The following VTA1 variants were observed in gnomAD, a reference collection of about 807,000 sequenced individuals.
The protein encoded by VTA1 is vesicle trafficking 1.
VTA1 carries 24 observed loss-of-function variants against 36.9 expected under a neutral mutation model. The ratio of observed to expected loss-of-function variants is 0.65; its 90% CI spans 0.47 to 0.91. The LOEUF is 0.91. Among genes scored for constraint, VTA1 ranks in the 40% least tolerant of loss-of-function variants. The pLI, the probability that VTA1 is intolerant of heterozygous loss-of-function variation, is 0.00. For missense variants in VTA1, 393 were observed against 377.2 expected (o/e 1.04, Z -0.35); for synonymous variants, 142 against 130.2 (o/e 1.09, Z -0.62).
chr6:142,181,421 C>A (rs1215944133), intron 4 of VTA1, among the ~76,000 whole-genome samples: 1 of 146,418 alleles, frequency 6.8e-6, no homozygotes, highest in Non-Finnish European at 1.5e-5. Flanking sequence ...GCATAAGCCA[C>A]CGTGCCAGGC....
chr6:142,156,611 A>G (rs1778667612), intron 1 of VTA1, among the ~76,000 whole-genome samples: 1 of 152,148 alleles, frequency 6.6e-6, no homozygotes, highest in Admixed American at 6.5e-5. Context: ...TAAAATTTCA[A>G]GTTTCAATTT....
intron 5 of VTA1, among the ~76,000 whole-genome samples, chr6:142,192,023 A>G (rs1173101597): frequency 6.6e-6 from 1 of 152,068 alleles, no homozygotes; most frequent in African/African-American, 2.4e-5. Flanking sequence ...TAACTTAGAT[A>G]AAGAACAAAA....
chr6:142,213,559 T>C (rs1775945475), intron 7 of VTA1, among the ~76,000 whole-genome samples: 1 of 152,250 alleles, frequency 6.6e-6, no homozygotes, highest in African/African-American at 2.4e-5. Flanking sequence ...TTCTCTGCAC[T>C]GCTCTTGTAG....
intron 7 of VTA1, among the ~76,000 whole-genome samples, chr6:142,216,098 A>T (rs1776000691): frequency 6.6e-6 from 1 of 151,848 alleles, no homozygotes; most frequent in African/African-American, 2.4e-5. Context: ...TCTTGTTCTG[A>T]TTATGGCCTC....
chr6:142,212,782 G>A (rs1329178479), intron 7 of VTA1, among the ~76,000 whole-genome samples: 4 of 152,082 alleles, frequency 2.6e-5, no homozygotes, highest in African/African-American at 9.7e-5. Context: ...GAGGGAAGGG[G>A]GAAGTGCCAC....
chr6:142,155,722 C>G (rs1188805125), intron 1 of VTA1, among the ~76,000 whole-genome samples: 1 of 152,150 alleles, frequency 6.6e-6, no homozygotes, highest in Non-Finnish European at 1.5e-5. Flanking sequence ...TGCCTTGACA[C>G]CTCTTCTCTT....
At chr6:142,166,452 A>G in intron 2 of VTA1, 130 bp downstream of exon 2, 1 of 584,840 alleles carries the variant, frequency 1.7e-6, no homozygotes. Context: ...ACCTGAGGAA[A>G]AACTAGTAAT....
At chr6:142,161,371 GC>G (rs1385308667) in intron 1 of VTA1, among the ~76,000 whole-genome samples, 1 of 151,820 alleles carries the variant, frequency 6.6e-6, no homozygotes, top group African/African-American at 2.4e-5. Flanking sequence ...ATATCTTTTT[GC>G]GTGTGTTTTT....
At chr6:142,186,069 C>T (rs1272871069) in intron 4 of VTA1, among the ~76,000 whole-genome samples, 6 of 152,082 alleles carry the variant, frequency 3.9e-5, no homozygotes, top group East Asian at 3.9e-4. Context: ...GTAAGATTAC[C>T]GGAGAGTCTG....
rs1037419270 is a variant in VTA1, at chr6:142,223,561, A to G, written c.*4918A>G. 6.6e-6 allele frequency: 1 copy of G among 152,182 alleles called. No homozygotes were observed. Among genetic ancestry groups the G allele is most frequent in the Non-Finnish European group, 1.5e-5 (1 of 68,032 alleles). 9.4% of individuals were successfully genotyped at this position (152,182 alleles called of 1,614,324 possible). ...CAAAAGCCCCTGTCTCTTACTTCAT[A>G]TATCAAGTTTGGAGGGAAAGACATA... On this transcript the variant is annotated 3_prime_UTR_variant, in exon 8 of 8. Coordinates refer to ENST00000367630, the MANE Select transcript of VTA1 (RefSeq NM_016485.5).
intron 1 of VTA1, among the ~76,000 whole-genome samples, chr6:142,154,494 G>A (rs1250860958): frequency 6.6e-6 from 1 of 152,048 alleles, no homozygotes; most frequent in Non-Finnish European, 1.5e-5. Flanking sequence ...CACAAATTCA[G>A]TTGCTAGATC....
chr6:142,180,128 G>A (rs1383559201), intron 4 of VTA1, among the ~76,000 whole-genome samples: 1 of 152,216 alleles, frequency 6.6e-6, no homozygotes, highest in East Asian at 1.9e-4. Context: ...CACACAGTGA[G>A]CATCCCTAGT....
At chr6:142,189,796 G>A (rs939899944) in intron 5 of VTA1, among the ~76,000 whole-genome samples, 7 of 150,856 alleles carry the variant, frequency 4.6e-5, no homozygotes, top group Admixed American at 6.6e-5. Flanking sequence ...TCGCTCTGTC[G>A]CCCAGGCTGG....
At chr6:142,215,221 G>A (rs899920608) in intron 7 of VTA1, among the ~76,000 whole-genome samples, 18 of 152,004 alleles carry the variant, frequency 1.2e-4, no homozygotes, top group African/African-American at 4.8e-5. Context: ...GGTGGATCAC[G>A]AGGTCAGGAG....
intron 1 of VTA1, among the ~76,000 whole-genome samples, chr6:142,165,220 T>G (rs1774890369): frequency 6.6e-6 from 1 of 152,276 alleles, no homozygotes. Context: ...TTTAATAAGT[T>G]TTTTGTGAGT....
intron 6 of VTA1, among the ~76,000 whole-genome samples, chr6:142,199,598 G>T (rs868750319): frequency 2.6e-5 from 4 of 151,696 alleles, no homozygotes; most frequent in Non-Finnish European, 5.9e-5. Flanking sequence ...CCCAAATTTT[G>T]CATGAATTAC....
intron 6 of VTA1, among the ~76,000 whole-genome samples, chr6:142,203,458 C>T (rs771821257): frequency 6.6e-6 from 1 of 151,960 alleles, no homozygotes; most frequent in Non-Finnish European, 1.5e-5. Flanking sequence ...TACCATTAAT[C>T]AAGAATGCTA....
intron 1 of VTA1, among the ~76,000 whole-genome samples, chr6:142,164,272 G>C (rs188677545): frequency 6.6e-6 from 1 of 152,104 alleles, no homozygotes; most frequent in African/African-American, 2.4e-5. Context: ...GATCAAATTA[G>C]CATCCCTTTG....
chr6:142,158,788 T>C (rs989695121), intron 1 of VTA1, among the ~76,000 whole-genome samples: 4 of 152,166 alleles, frequency 2.6e-5, no homozygotes, highest in Non-Finnish European at 5.9e-5. Context: ...TATTCCTCTT[T>C]TATTTTTTTA....
Sources: gnomAD v4.1 joint callset for allele counts (sites outside exome capture counted in the v4.1 genomes callset) on GRCh38, gnomAD v4.1.1 for gene constraint, MANE v1.5 for transcripts, NCBI Gene and HGNC (gene_info 2026-07-23, HGNC 2026-07-21) for gene names.